UGGT2: variants seen among roughly 807,000 people sequenced by gnomAD.
The protein encoded by UGGT2 is UDP-glucose glycoprotein glucosyltransferase 2.
Under a neutral mutation model 192.1 loss-of-function variants are expected in UGGT2, and 180 were observed. The observed-to-expected ratio is 0.94, with a 90% CI of 0.83 to 1.06. UGGT2 has a LOEUF of 1.06. UGGT2 is among the 50% of genes least tolerant of loss of function. UGGT2 has a pLI of 0.00. For missense variants in UGGT2, 1,849 were observed against 1,795.7 expected, an observed-to-expected ratio of 1.03 and a Z score of -0.54; for synonymous variants, 580 against 591.0, an observed-to-expected ratio of 0.98 and a Z score of 0.27.
At chr13:95,974,888 C>T (rs2050888246) in intron 10 of UGGT2, among the ~76,000 whole-genome samples, 1 of 151,908 alleles carries the variant, frequency 6.6e-6, no homozygotes, top group Admixed American at 6.6e-5. Flanking sequence ...ATGAGACCAG[C>T]CTGTCCAACA....
intron 20 of UGGT2, among the ~76,000 whole-genome samples, chr13:95,914,495 G>T (rs1361200668): frequency 6.6e-6 from 1 of 151,524 alleles, no homozygotes; most frequent in Non-Finnish European, 1.5e-5. Context: ...CTCTAAGTGG[G>T]TGGGCTCAGT....
At chr13:95,949,264 A>ATCT in intron 13 of UGGT2, 71 bp downstream of exon 13, 1 of 1,313,504 alleles carries the variant, frequency 7.6e-7, no homozygotes, top group Non-Finnish European at 9.9e-7. Flanking sequence ...ATTCATTGAC[A>ATCT]GAAGGATAAT....
intron 26 of UGGT2, chr13:95,887,451 T>C (rs1053296368): frequency 3.5e-5 from 12 of 338,784 alleles, no homozygotes; most frequent in South Asian, 2.8e-4. Context: ...TTGTATATAA[T>C]TATAAACAAC....
chr13:95,988,185 G>T (rs2051349574), intron 8 of UGGT2, among the ~76,000 whole-genome samples: 1 of 151,832 alleles, frequency 6.6e-6, no homozygotes, highest in Admixed American at 6.6e-5. Flanking sequence ...ATTCCTTGTT[G>T]GTTTCCCTCA....
intron 1 of UGGT2, among the ~76,000 whole-genome samples, chr13:96,051,520 C>T (rs928476648): frequency 1.3e-5 from 2 of 151,962 alleles, no homozygotes; most frequent in Non-Finnish European, 2.9e-5. Flanking sequence ...AGCTTTTGCA[C>T]GGCAAAAGGA....
rs542581202 is a variant in UGGT2, at chr13:96,006,461, C to T, written c.660+6846G>A. Among the ~76,000 whole-genome samples the T allele has an allele frequency of 3.9e-5, 6 of 151,908 alleles. No homozygotes were observed. In the South Asian group the frequency reaches 1.2e-3, roughly 32 times the overall value. ...CCAACATGGAGAAACCATGTCTCTA[C>T]TAAAAATACAAAAACTAGCCAGGCA... is the stretch of plus-strand genomic sequence containing the variant. On this transcript the variant is annotated intron_variant, in intron 5 of 38. Coordinates refer to ENST00000376747, the MANE Select transcript of UGGT2 (RefSeq NM_020121.4).
rs1292407181 is a variant in UGGT2, at chr13:95,904,394, T to C, written c.2296-1334A>G. On this transcript the variant is annotated intron_variant, in intron 20 of 38. Transcript: ENST00000376747. ...GTGCCATGCTGGTGCACTGCACCCA[T>C]TAACTCGTCATCTAGCATTAGGTAT... Among the ~76,000 whole-genome samples, 4 of 151,016 alleles carry C rather than the reference T, an allele frequency of 2.6e-5. No homozygotes were observed. The South Asian group carries it at 6.3e-4, about 24-fold the overall frequency.
chr13:96,022,163 A>G (rs2052533709), intron 4 of UGGT2, among the ~76,000 whole-genome samples: 1 of 152,134 alleles, frequency 6.6e-6, no homozygotes, highest in African/African-American at 2.4e-5. Context: ...CATAATATAA[A>G]TATAATGAAT....
At chr13:95,840,303 A>G (rs1887725899) in intron 36 of UGGT2, among the ~76,000 whole-genome samples, 1 of 152,186 alleles carries the variant, frequency 6.6e-6, no homozygotes, top group Non-Finnish European at 1.5e-5. Flanking sequence ...CCATCTGACA[A>G]AGGGCTAATA....
At position 95,902,812 on chromosome 13, in the gene UGGT2, T is replaced by C. The variant is rs368069864; in HGVS notation, c.2502+42A>G. On this transcript the variant is annotated intron_variant, in intron 21 of 38. Coordinates refer to ENST00000376747, the MANE Select transcript of UGGT2 (RefSeq NM_020121.4). The stretch of plus-strand genomic sequence containing the variant: ...TCCAAATACACTCACACTTTTAAAA[T>C]ATGCAATACATACATATTTAATATT... 8 of 1,551,494 alleles carry C rather than the reference T, an allele frequency of 5.2e-6. No homozygotes were observed. The South Asian group carries it at 5.9e-5, about 11-fold the overall frequency.
chr13:95,829,551 G>A (rs1886437207), intron 38 of UGGT2, among the ~76,000 whole-genome samples: 1 of 152,122 alleles, frequency 6.6e-6, no homozygotes, highest in South Asian at 2.1e-4. Context: ...GCCAAATCAT[G>A]AGTGAACTCC....
intron 10 of UGGT2, among the ~76,000 whole-genome samples, chr13:95,974,581 T>C (rs1283621625): frequency 1.3e-5 from 2 of 152,216 alleles, no homozygotes; most frequent in African/African-American, 4.8e-5. Context: ...AGAAGAGGTT[T>C]GCCTATCAGA....
intron 12 of UGGT2, among the ~76,000 whole-genome samples, chr13:95,958,532 C>A (rs546402819): frequency 6.6e-6 from 1 of 151,708 alleles, no homozygotes; most frequent in African/African-American, 2.4e-5. Flanking sequence ...CAGAGAGAAT[C>A]CCTTACATTT....
intron 20 of UGGT2, among the ~76,000 whole-genome samples, chr13:95,905,417 T>C (rs970169413): frequency 6.6e-5 from 10 of 152,102 alleles, no homozygotes; most frequent in African/African-American, 1.9e-4. Flanking sequence ...TTGTAGGGTT[T>C]TTATGGTTTT....
At chr13:95,976,849 G>A (rs748275677) in intron 10 of UGGT2, among the ~76,000 whole-genome samples, 3 of 152,078 alleles carry the variant, frequency 2.0e-5, no homozygotes, top group Non-Finnish European at 4.4e-5. Context: ...TACCAAAACA[G>A]ATACATAGAT....
At chr13:95,967,166 T>C (rs1431749636) in intron 12 of UGGT2, among the ~76,000 whole-genome samples, 1 of 151,960 alleles carries the variant, frequency 6.6e-6, no homozygotes, top group Non-Finnish European at 1.5e-5. Flanking sequence ...CTTTTTTTTT[T>C]TTTTTGAGAT....
intron 38 of UGGT2, among the ~76,000 whole-genome samples, chr13:95,802,183 T>C (rs1192792257): frequency 6.6e-6 from 1 of 152,144 alleles, no homozygotes; most frequent in African/African-American, 2.4e-5. Context: ...CTTAATGTAA[T>C]GGAACAACAG....
chr13:95,912,067 G>C (rs540550361), intron 20 of UGGT2, among the ~76,000 whole-genome samples: 2 of 152,196 alleles, frequency 1.3e-5, no homozygotes, highest in Admixed American at 6.5e-5. Flanking sequence ...CAATAAACTA[G>C]GTATTGATGG....
At chr13:95,805,864 C>G (rs946717481) in intron 38 of UGGT2, among the ~76,000 whole-genome samples, 1 of 151,846 alleles carries the variant, frequency 6.6e-6, no homozygotes, top group African/African-American at 2.4e-5. Flanking sequence ...TGTGAATATA[C>G]TTAACATTAC....
Sources: gnomAD v4.1 joint callset for allele counts (sites outside exome capture counted in the v4.1 genomes callset) on GRCh38, gnomAD v4.1.1 for gene constraint, MANE v1.5 for transcripts, NCBI Gene and HGNC (gene_info 2026-07-23, HGNC 2026-07-21) for gene names.